Variants in MAST4 observed in about 807,000 individuals in gnomAD.
MAST4 encodes microtubule-associated serine/threonine-protein kinase 4.
A neutral mutation model predicts 162.7 loss-of-function variants in MAST4; 89 were observed. The ratio of observed to expected loss-of-function variants is 0.55; its 90% CI spans 0.46 to 0.65. The LOEUF is 0.65. Ranked by LOEUF, MAST4 falls within the 30% of genes least tolerant of loss-of-function variation. MAST4 has a pLI of 0.00. For missense variants in MAST4, 3,153 were observed against 3,374.0 expected (o/e 0.93, Z 1.62); for synonymous variants, 1,479 against 1,361.1 (o/e 1.09, Z -1.91).
intron 4 of MAST4, among the ~76,000 whole-genome samples, chr5:66,989,184 A>G (rs1476884670): frequency 6.6e-6 from 1 of 152,162 alleles, no homozygotes; most frequent in Non-Finnish European, 1.5e-5. Flanking sequence ...GTAAGTTTCT[A>G]GGACCTTCAC....
At chr5:66,752,099 A>G (rs925924513) in intron 1 of MAST4, among the ~76,000 whole-genome samples, 17 of 152,286 alleles carry the variant, frequency 1.1e-4, no homozygotes, top group African/African-American at 2.6e-4. Flanking sequence ...AATGCTGAGA[A>G]ATTTTGTCAC....
intron 5 of MAST4, among the ~76,000 whole-genome samples, chr5:67,066,583 T>C (rs1035473197): frequency 1.3e-5 from 2 of 152,158 alleles, no homozygotes; most frequent in Admixed American, 1.3e-4. Flanking sequence ...AGATACAAAA[T>C]ATTCTATTTT....
rs1399759175 is a variant in MAST4, at chr5:66,985,213, C to T, written c.675-69191C>T. Among the ~76,000 whole-genome samples, 5 of 152,052 alleles carry T rather than the reference C, an allele frequency of 3.3e-5. 1 individual carries two copies. Among genetic ancestry groups the T allele is most frequent in the Admixed American group, 2.0e-4 (3 of 15,282 alleles). Reference sequence around the variant, plus strand: ...GAGGAGTTTCACACAGGAGAGTGGTCTTCTGTGTGGAGTGATGCTGATCCT... The same window carrying T: ...GAGGAGTTTCACACAGGAGAGTGGTTTTCTGTGTGGAGTGATGCTGATCCT... On this transcript the variant is annotated intron_variant, in intron 4 of 28. Coordinates refer to ENST00000403625, the MANE Select transcript of MAST4 (RefSeq NM_001164664.2).
Position 67,163,452 on chromosome 5 carries a change from A to G in MAST4, c.4273A>G (p.Arg1425Gly), listed in dbSNP as rs758787502. 6.2e-7 allele frequency: 1 copy of G among 1,613,508 alleles called. No homozygotes were observed. The highest frequency in any genetic ancestry group is 1.1e-5 in the South Asian group (1 of 91,062). ...GATGCACTCCCCGCCCACCATCGTC[A>G]GACACATCGTGAGGCCCAAGAGTGC... ...SKMHSPPTIV[R>G]HIVRPKSAEP... Residue 1425 changes from arginine (R) to glycine (G), a missense_variant, in exon 29 of 29, where the codon AGA (arginine) becomes GGA (glycine). Arg to Gly is a moderately radical substitution (Grantham distance 125, BLOSUM62 -2). Around this residue, in one of 7 missense-constraint regions of MAST4, gnomAD observed 619 missense variants for 744.2 expected, o/e 0.83. Coordinates refer to ENST00000403625, the MANE Select transcript of MAST4 (RefSeq NM_001164664.2). This position sits in a 1 kb window ranked among gnomAD's most constrained non-coding sequence, Gnocchi z 7.0.
intron 3 of MAST4, among the ~76,000 whole-genome samples, chr5:66,854,772 C>A (rs1463612358): frequency 6.6e-6 from 1 of 152,040 alleles, no homozygotes; most frequent in African/African-American, 2.4e-5. Flanking sequence ...GGTATGAAGG[C>A]CAGGAGCCAA....
chr5:67,134,541 T>C lies in MAST4; in HGVS notation c.2245T>C (p.Tyr749His). 3 of 1,613,518 alleles carry C rather than the reference T, an allele frequency of 1.9e-6. No homozygotes were observed. Among genetic ancestry groups the C allele is most frequent in the Non-Finnish European group, 2.5e-6 (3 of 1,179,578 alleles). The change falls in exon 18 of 29, where the codon TAC becomes CAC. Residue 749 changes from tyrosine to histidine, a missense_variant. Physicochemically the swap from Tyr to His is moderately conservative, Grantham distance 83 (BLOSUM62 2). Transcript: ENST00000403625. ...LDKQVCGTPE[Y>H]IAPEVILRQG... ...CTTTTAGGTCTGTGGCACACCTGAA[T>C]ACATTGCACCAGAAGTGATTCTGAG...
intron 1 of MAST4, among the ~76,000 whole-genome samples, chr5:66,649,851 G>A (rs897768849): frequency 2.0e-5 from 3 of 152,116 alleles, no homozygotes; most frequent in Non-Finnish European, 4.4e-5. Context: ...GATTGCAGGA[G>A]CCCTAGAGTT....
At chr5:67,091,043 G>A (rs1490676502) in intron 6 of MAST4, among the ~76,000 whole-genome samples, 1 of 151,790 alleles carries the variant, frequency 6.6e-6, no homozygotes, top group Non-Finnish European at 1.5e-5. Flanking sequence ...TGGTCTGAAT[G>A]TCCTAGATAT....
intron 3 of MAST4, among the ~76,000 whole-genome samples, chr5:66,881,527 C>G (rs1761692940): frequency 6.6e-6 from 1 of 152,122 alleles, no homozygotes; most frequent in African/African-American, 2.4e-5. Context: ...TTGTGACAGC[C>G]CCACCTCTCC....
intron 1 of MAST4, among the ~76,000 whole-genome samples, chr5:66,714,328 C>T (rs1198309057): frequency 6.6e-6 from 1 of 152,196 alleles, no homozygotes; most frequent in East Asian, 1.9e-4. Flanking sequence ...TGTGCCTGTG[C>T]CTGTATCATC....
At chr5:66,986,582 A>T in intron 4 of MAST4, 4 of 485,982 alleles carry the variant, frequency 8.2e-6, no homozygotes, top group Non-Finnish European at 1.2e-5. Flanking sequence ...TATATATTAA[A>T]AATATATATG....
At chr5:66,719,929 T>C (rs1339078630) in intron 1 of MAST4, among the ~76,000 whole-genome samples, 1 of 152,174 alleles carries the variant, frequency 6.6e-6, no homozygotes, top group African/African-American at 2.4e-5. Flanking sequence ...ATTACCTCCT[T>C]TGAGGAGAGG....
chr5:66,673,915 A>G (rs941164166), intron 1 of MAST4, among the ~76,000 whole-genome samples: 3 of 152,220 alleles, frequency 2.0e-5, no homozygotes, highest in African/African-American at 4.8e-5. Flanking sequence ...GGTCATCTAC[A>G]TGAAACTATA....
intron 4 of MAST4, among the ~76,000 whole-genome samples, chr5:66,921,973 G>C (rs937248854): frequency 2.0e-5 from 3 of 152,084 alleles, no homozygotes; most frequent in African/African-American, 2.4e-5. Flanking sequence ...AAAATGAAAT[G>C]CCACCAGTCT....
At chr5:66,764,518 A>G (rs1263948380) in intron 2 of MAST4, among the ~76,000 whole-genome samples, 1 of 152,206 alleles carries the variant, frequency 6.6e-6, no homozygotes, top group Non-Finnish European at 1.5e-5. Flanking sequence ...CAGTGGTCCC[A>G]TAAGATTATA....
At chr5:67,020,174 A>G (rs1330413427) in intron 4 of MAST4, among the ~76,000 whole-genome samples, 1 of 152,188 alleles carries the variant, frequency 6.6e-6, no homozygotes, top group Non-Finnish European at 1.5e-5. Flanking sequence ...TTAACCATTT[A>G]GTGACTATGC....
chr5:66,986,003 C>T (rs538900624), intron 4 of MAST4, among the ~76,000 whole-genome samples: 5 of 152,286 alleles, frequency 3.3e-5, no homozygotes, highest in South Asian at 2.1e-4. Flanking sequence ...AATGATCCCA[C>T]GGTAGAGGCT....
chr5:67,145,450 G>A lies in MAST4; in HGVS notation c.3094+71G>A. On this transcript the variant is annotated intron_variant, in intron 23 of 28. Transcript: ENST00000403625. ...GTGTCTCCTAGTGCTCAGTCCCAGG[G>A]CGGGCCTCGCCAGGCAGTAAAGATG... 12 of 1,352,610 alleles carry A rather than the reference G, an allele frequency of 8.9e-6. 1 individual carries two copies. The South Asian group carries it at 1.5e-4, about 17-fold the overall frequency. The allele number at this position is 1,352,610 out of a possible 1,614,324, so 83.8% of individuals were successfully genotyped here.
rs778012980 is a variant in MAST4 at position 66,893,445 on chromosome 5, C to G, written c.643-6506C>G. ...GTTTCACCGTTTTGGCCAGGCTGGT[C>G]TCGAACTCCTGACCTCAAGTGATCC... On this transcript the variant is annotated intron_variant, in intron 3 of 28. Coordinates refer to ENST00000403625, the MANE Select transcript of MAST4 (RefSeq NM_001164664.2). 7.8e-4 allele frequency among the ~76,000 whole-genome samples: 118 copies of G among 151,592 alleles called. 1 individual carries two copies. Among genetic ancestry groups the G allele is most frequent in the Admixed American group, 1.3e-3 (19 of 15,198 alleles).
Sources: allele counts gnomAD v4.1 joint callset (sites outside exome capture counted in the v4.1 genomes callset), GRCh38; gene constraint gnomAD v4.1.1; regional missense constraint gnomAD v4.1.1; non-coding constraint Gnocchi (gnomAD v3.1); transcripts MANE v1.5; gene names NCBI Gene and HGNC (gene_info 2026-07-23, HGNC 2026-07-21).